LRP1B: variants seen among roughly 807,000 people sequenced by gnomAD.
The protein encoded by LRP1B is low-density lipoprotein receptor-related protein 1B.
Under a neutral mutation model 556.6 loss-of-function variants are expected in LRP1B, and 217 were observed. The ratio of observed to expected loss-of-function variants is 0.39; its 90% CI spans 0.35 to 0.44. LRP1B has a LOEUF of 0.44. LRP1B is among the 20% of genes least tolerant of loss of function. The probability of loss-of-function intolerance (pLI) is 1.00; values close to 1 mark genes in which losing one functional copy is unlikely to be tolerated. For missense variants in LRP1B, 5,053 were observed against 5,620.8 expected (o/e 0.90, Z 3.23); for synonymous variants, 2,047 against 1,865.8 (o/e 1.10, Z -2.50).
chr2:140,528,096 T>G (rs1326889692), intron 47 of LRP1B, among the ~76,000 whole-genome samples: 1 of 151,926 alleles, frequency 6.6e-6, no homozygotes, highest in African/African-American at 2.4e-5. Context: ...TAGAGAATTC[T>G]CTGTCTGAGT....
chr2:141,395,908 T>C (rs947718660), intron 3 of LRP1B, among the ~76,000 whole-genome samples: 2 of 152,190 alleles, frequency 1.3e-5, no homozygotes, highest in Non-Finnish European at 2.9e-5. Context: ...ATTTAGTTGC[T>C]AGATAAAGTT....
chr2:140,242,954 G>GCTCTCTCTTTCCT (rs1681013825), intron 87 of LRP1B, among the ~76,000 whole-genome samples: 6 of 151,162 alleles, frequency 4.0e-5, no homozygotes, highest in Non-Finnish European at 7.4e-5. Flanking sequence ...GAAAGAGAGA[G>GCTCTCTCTTTCCT]AAGTTTAAGG....
rs557256746 is a variant in LRP1B at position 140,696,379 on chromosome 2, TA to T, written c.6799+3870del. ...AGGAGGTGGGGTGTGGTAGGGAGGA[TA>T]TTCAGAAAGATTCGTATAAACTATC... On this transcript the variant is annotated intron_variant, in intron 41 of 90. Coordinates refer to ENST00000389484, the MANE Select transcript of LRP1B (RefSeq NM_018557.3). 2.0e-5 allele frequency among the ~76,000 whole-genome samples: 3 copies of T among 152,258 alleles called. No homozygotes were observed. In the South Asian group the frequency reaches 6.2e-4, roughly 32 times the overall value.
intron 1 of LRP1B, among the ~76,000 whole-genome samples, chr2:141,931,319 A>T (rs1021116719): frequency 6.6e-6 from 1 of 151,890 alleles, no homozygotes; most frequent in South Asian, 2.1e-4. Context: ...GTATGTGAGG[A>T]GGGGTGGAGG....
At chr2:141,292,153 G>A (rs941941573) in intron 3 of LRP1B, among the ~76,000 whole-genome samples, 27 of 152,114 alleles carry the variant, frequency 1.8e-4, no homozygotes, top group Admixed American at 1.6e-3. Context: ...CTGTGCATGC[G>A]AGGGATCTAG....
intron 25 of LRP1B, among the ~76,000 whole-genome samples, chr2:140,871,998 C>T (rs952369166): frequency 6.9e-6 from 1 of 145,664 alleles, no homozygotes; most frequent in African/African-American, 2.5e-5. Context: ...GTGTATGTGT[C>T]TATGTGTGTC....
rs566245598 is a variant in LRP1B at position 141,572,418 on chromosome 2, A to T, written c.206-91885T>A. The stretch of plus-strand genomic sequence containing the variant: ...TGCCACCAGGCCTGCCCTGCAAGAG[A>T]TCCTGAAAGAAGCACTAAATATGGA... On this transcript the variant is annotated intron_variant, in intron 2 of 90. Coordinates refer to ENST00000389484, the MANE Select transcript of LRP1B (RefSeq NM_018557.3). Among the ~76,000 whole-genome samples the T allele has an allele frequency of 3.9e-5, 6 of 152,274 alleles. No homozygotes were observed. The South Asian group carries it at 1.2e-3, about 32-fold the overall frequency.
chr2:140,539,648 C>A (rs1680060403), intron 45 of LRP1B, among the ~76,000 whole-genome samples: 1 of 152,094 alleles, frequency 6.6e-6, no homozygotes, highest in African/African-American at 2.4e-5. Flanking sequence ...CTGAAGTGAC[C>A]TGTGAAAGAA....
intron 1 of LRP1B, among the ~76,000 whole-genome samples, chr2:142,028,915 T>C (rs1354850475): frequency 6.6e-6 from 1 of 151,974 alleles, no homozygotes; most frequent in Non-Finnish European, 1.5e-5. Flanking sequence ...TGACTAACAA[T>C]GTTGGAGCTT....
intron 2 of LRP1B, among the ~76,000 whole-genome samples, chr2:141,647,109 G>A (rs1019446060): frequency 6.6e-6 from 1 of 152,166 alleles, no homozygotes; most frequent in African/African-American, 2.4e-5. Context: ...AGTAGAAGAA[G>A]AAGGGAATAT....
At chr2:140,633,357 T>C (rs1192335304) in intron 41 of LRP1B, among the ~76,000 whole-genome samples, 1 of 152,100 alleles carries the variant, frequency 6.6e-6, no homozygotes, top group Non-Finnish European at 1.5e-5. Context: ...TTGCATTAAA[T>C]GCATATATTA....
chr2:142,116,860 T>G lies in LRP1B; in HGVS notation c.82+13788A>C, dbSNP rs967661010. Among the ~76,000 whole-genome samples the G allele has an allele frequency of 1.3e-5, 2 of 152,140 alleles. 1 individual carries two copies. Among genetic ancestry groups the G allele is most frequent in the East Asian group, 3.9e-4 (2 of 5,184 alleles). On this transcript the variant is annotated intron_variant, in intron 1 of 90. Transcript: ENST00000389484. ...AATAGAGCACACAGTTGGCCCTTGT[T>G]TAGTCACAGCTTCCCAAGGAACAGA...
At chr2:141,717,393 A>G (rs1475877679) in intron 2 of LRP1B, among the ~76,000 whole-genome samples, 2 of 152,192 alleles carry the variant, frequency 1.3e-5, no homozygotes, top group Non-Finnish European at 2.9e-5. Context: ...ATGCACTTCA[A>G]GTTGACCAGT....
intron 77 of LRP1B, among the ~76,000 whole-genome samples, chr2:140,347,340 T>C (rs1437476530): frequency 2.0e-5 from 3 of 151,666 alleles, no homozygotes; most frequent in Non-Finnish European, 4.4e-5. Context: ...GGTTAGAAAA[T>C]TATAAAAGTA....
chr2:141,768,338 T>G lies in LRP1B; in HGVS notation c.205+41941A>C, dbSNP rs1002461926. Among the ~76,000 whole-genome samples, 4 of 151,464 alleles carry G rather than the reference T, an allele frequency of 2.6e-5. No individual in the cohort carries two copies. The South Asian group carries it at 8.3e-4, about 32-fold the overall frequency. On this transcript the variant is annotated intron_variant, in intron 2 of 90. Transcript: ENST00000389484. Reference sequence around the variant, plus strand: ...CTCTTTTCGTTCTTGAGCCTTTTTCTGAATTCTCAATATTATATCTCATTA... The same window carrying G: ...CTCTTTTCGTTCTTGAGCCTTTTTCGGAATTCTCAATATTATATCTCATTA...
intron 3 of LRP1B, among the ~76,000 whole-genome samples, chr2:141,359,398 A>G (rs1688740181): frequency 6.6e-6 from 1 of 152,152 alleles, no homozygotes. Flanking sequence ...AGAAAATATT[A>G]CATTATAAAT....
chr2:142,068,990 ATC>A (rs1018229261), intron 1 of LRP1B, among the ~76,000 whole-genome samples: 1 of 150,674 alleles, frequency 6.6e-6, no homozygotes, highest in African/African-American at 2.4e-5. Flanking sequence ...AAATGGTTCC[ATC>A]TCTCTCTGTC....
chr2:141,858,847 C>T (rs535115387), intron 1 of LRP1B, among the ~76,000 whole-genome samples: 3 of 152,148 alleles, frequency 2.0e-5, no homozygotes, highest in Admixed American at 6.5e-5. Flanking sequence ...CTTAAGATGA[C>T]ATAACTGTAA....
chr2:140,952,017 G>A, intron 18 of LRP1B, 77 bp from the exon 19 acceptor site: 2 of 1,030,616 alleles, frequency 1.9e-6, no homozygotes, highest in Non-Finnish European at 3.0e-6. Context: ...ATCTGATAAT[G>A]TGATCAGAAC....
Sources: gnomAD v4.1 joint callset for allele counts (sites outside exome capture counted in the v4.1 genomes callset) on GRCh38, gnomAD v4.1.1 for gene constraint, MANE v1.5 for transcripts, NCBI Gene and HGNC (gene_info 2026-07-23, HGNC 2026-07-21) for gene names.